Variants in GPM6A observed in about 807,000 individuals in gnomAD.
GPM6A encodes the protein glycoprotein M6A.
In GPM6A, 7 loss-of-function variants were observed where a neutral mutation model predicts 32.1. That is an observed-to-expected ratio of 0.22 (90% confidence interval 0.12 to 0.41). The LOEUF is 0.41. GPM6A is among the 10% of genes least tolerant of loss of function. GPM6A has a pLI of 1.00. For missense variants in GPM6A, 235 were observed against 347.2 expected (o/e 0.68, Z 2.57); for synonymous variants, 130 against 123.4 (o/e 1.05, Z -0.35).
chr4:175,867,213 T>C (rs894171290), intron 1 of GPM6A, among the ~76,000 whole-genome samples: 10 of 152,208 alleles, frequency 6.6e-5, no homozygotes, highest in African/African-American at 2.4e-4. Flanking sequence ...GTCTTCTCTT[T>C]CTCTTGACGT....
intron 1 of GPM6A, among the ~76,000 whole-genome samples, chr4:175,976,388 G>A (rs914573582): frequency 6.7e-6 from 1 of 148,954 alleles, no homozygotes; most frequent in African/African-American, 2.5e-5. Context: ...CGATGGTCTC[G>A]ATCTCCTGAC....
intron 1 of GPM6A, among the ~76,000 whole-genome samples, chr4:175,728,342 C>T (rs561239324): frequency 6.6e-6 from 1 of 152,148 alleles, no homozygotes; most frequent in Admixed American, 6.5e-5. Context: ...AAATTCAAAA[C>T]AAAACAAAAA....
intron 1 of GPM6A, among the ~76,000 whole-genome samples, chr4:175,810,978 T>G (rs186379086): frequency 1.5e-4 from 23 of 152,242 alleles, no homozygotes; most frequent in Admixed American, 1.0e-3. Flanking sequence ...AGGACTAAAA[T>G]TGGGAAATCA....
chr4:175,856,257 A>G (rs1736410747), intron 1 of GPM6A, among the ~76,000 whole-genome samples: 1 of 152,264 alleles, frequency 6.6e-6, no homozygotes, highest in Non-Finnish European at 1.5e-5. Context: ...TAACAAATAT[A>G]CCGTACTGAG....
intron 1 of GPM6A, among the ~76,000 whole-genome samples, chr4:175,929,551 G>A (rs1158833645): frequency 6.6e-6 from 1 of 152,188 alleles, no homozygotes; most frequent in Non-Finnish European, 1.5e-5. Flanking sequence ...GATGAGGCAT[G>A]TATACGACTT....
At chr4:175,943,642 T>G (rs185958432) in intron 1 of GPM6A, among the ~76,000 whole-genome samples, 21 of 152,178 alleles carry the variant, frequency 1.4e-4, no homozygotes, top group Non-Finnish European at 2.8e-4. Context: ...GATAATCATG[T>G]GGTTTTTGTC....
chr4:175,662,490 C>T (rs772199254), intron 3 of GPM6A, among the ~76,000 whole-genome samples: 1 of 151,982 alleles, frequency 6.6e-6, no homozygotes, highest in Non-Finnish European at 1.5e-5. Context: ...ATCCCAGCTA[C>T]TAGGGAGGCT....
intron 1 of GPM6A, among the ~76,000 whole-genome samples, chr4:175,879,768 TA>T (rs1168344488): frequency 7.9e-5 from 12 of 152,216 alleles, no homozygotes; most frequent in African/African-American, 2.7e-4. Context: ...TAGACATGGA[TA>T]TTTTTTCTAA....
chr4:175,852,758 C>G (rs1393030296), intron 1 of GPM6A, among the ~76,000 whole-genome samples: 1 of 152,120 alleles, frequency 6.6e-6, no homozygotes, highest in African/African-American at 2.4e-5. Context: ...AGAGGAAAGT[C>G]CTTTTCCATC....
chr4:175,722,148 G>T (rs1436283313), intron 1 of GPM6A, among the ~76,000 whole-genome samples: 1 of 151,974 alleles, frequency 6.6e-6, no homozygotes, highest in Non-Finnish European at 1.5e-5. Flanking sequence ...TTAGCCTGGT[G>T]CGGGGGTGTG....
intron 1 of GPM6A, among the ~76,000 whole-genome samples, chr4:175,789,079 G>C (rs1277056386): frequency 2.0e-5 from 3 of 152,104 alleles, no homozygotes; most frequent in Non-Finnish European, 4.4e-5. Context: ...ATTTGAATGA[G>C]GCCAGCAGGG....
At chr4:175,973,985 C>A (rs1328121718) in intron 1 of GPM6A, among the ~76,000 whole-genome samples, 1 of 152,108 alleles carries the variant, frequency 6.6e-6, no homozygotes, top group African/African-American at 2.4e-5. Context: ...ATAATCCCAG[C>A]ATTTTGGGAG....
chr4:175,761,650 G>T (rs556408495), intron 1 of GPM6A, among the ~76,000 whole-genome samples: 3 of 151,848 alleles, frequency 2.0e-5, no homozygotes, highest in Non-Finnish European at 4.4e-5. Context: ...ATACTAAAAG[G>T]TTTTTTAAAG....
intron 4 of GPM6A, chr4:175,641,394 T>A (rs1244112341): frequency 6.5e-6 from 1 of 152,684 alleles, no homozygotes; most frequent in Admixed American, 6.5e-5. Flanking sequence ...GTCAAAAATA[T>A]GTATTTTTAG....
intron 1 of GPM6A, among the ~76,000 whole-genome samples, chr4:175,870,691 C>T (rs1008191465): frequency 6.6e-6 from 1 of 152,058 alleles, no homozygotes; most frequent in Non-Finnish European, 1.5e-5. Flanking sequence ...TGAAAATTTG[C>T]TCTTTGGGAA....
upstream of GPM6A, among the ~76,000 whole-genome samples, chr4:175,813,267 G>C (rs1734999891): frequency 6.6e-6 from 1 of 152,130 alleles, no homozygotes; most frequent in African/African-American, 2.4e-5. Flanking sequence ...GAAACAAGAG[G>C]ATAGCAATTT....
chr4:175,904,198 C>T (rs1416242478), intron 1 of GPM6A, among the ~76,000 whole-genome samples: 1 of 152,020 alleles, frequency 6.6e-6, no homozygotes, highest in South Asian at 2.1e-4. Context: ...CCATGAAAGA[C>T]ACTATTTACA....
At chr4:175,688,604 T>C (rs944816384) in intron 2 of GPM6A, among the ~76,000 whole-genome samples, 1 of 151,804 alleles carries the variant, frequency 6.6e-6, no homozygotes, top group East Asian at 1.9e-4. Flanking sequence ...GTAGAGTGAC[T>C]ATAGTTAAAA....
chr4:175,860,993 A>C (rs548063131), intron 1 of GPM6A, among the ~76,000 whole-genome samples: 1 of 151,962 alleles, frequency 6.6e-6, no homozygotes, highest in Admixed American at 6.6e-5. Context: ...ACAAAAAAAA[A>C]CACTAGGCCA....
Sources: allele counts gnomAD v4.1 joint callset (sites outside exome capture counted in the v4.1 genomes callset), GRCh38; gene constraint gnomAD v4.1.1; transcripts MANE v1.5; gene names NCBI Gene and HGNC (gene_info 2026-07-23, HGNC 2026-07-21).